Variants in RBFOX1 observed in about 807,000 individuals in gnomAD.
The protein encoded by RBFOX1 is RNA binding fox-1 homolog 1.
A neutral mutation model predicts 57.7 loss-of-function variants in RBFOX1; 8 were observed. The observed-to-expected ratio is 0.14, with a 90% CI of 0.08 to 0.25. The LOEUF is 0.25. Among genes scored for constraint, RBFOX1 ranks in the 10% least tolerant of loss-of-function variants. The pLI, the probability that RBFOX1 is intolerant of heterozygous loss-of-function variation, is 1.00. For synonymous variants in RBFOX1, 326 were observed against 222.4 expected (o/e 1.47, Z -4.15); for missense variants, 611 against 548.5 (o/e 1.11, Z -1.14).
chr16:6,308,517 G>A (rs944341991), intron 1 of RBFOX1, among the ~76,000 whole-genome samples: 1 of 152,192 alleles, frequency 6.6e-6, no homozygotes. Flanking sequence ...AGTTTGCTGA[G>A]TGACAGGGTT....
chr16:5,752,487 C>G (rs1164669710), intron 3 of RBFOX1, among the ~76,000 whole-genome samples: 1 of 152,200 alleles, frequency 6.6e-6, no homozygotes, highest in East Asian at 1.9e-4. Context: ...AAAGGGCTCC[C>G]CCTTGTTTTT....
intron 2 of RBFOX1, among the ~76,000 whole-genome samples, chr16:5,573,434 T>A (rs1445432945): frequency 1.3e-5 from 2 of 152,312 alleles, no homozygotes; most frequent in Middle Eastern, 3.4e-3. Flanking sequence ...GACCCCCACC[T>A]GAATATACTG....
At chr16:6,548,833 T>A (rs1443314466) in intron 2 of RBFOX1, among the ~76,000 whole-genome samples, 1 of 152,028 alleles carries the variant, frequency 6.6e-6, no homozygotes, top group East Asian at 2.0e-4. Context: ...CCTAGCACTT[T>A]GGGAGGCCAA....
chr16:7,131,973 G>T (rs2151981404), intron 4 of RBFOX1, among the ~76,000 whole-genome samples: 1 of 149,786 alleles, frequency 6.7e-6, no homozygotes, highest in East Asian at 2.0e-4. Flanking sequence ...AAAAAACATT[G>T]ATGACTAGAG....
At chr16:7,254,897 T>G (rs562737842) in intron 4 of RBFOX1, among the ~76,000 whole-genome samples, 1 of 152,294 alleles carries the variant, frequency 6.6e-6, no homozygotes, top group South Asian at 2.1e-4. Context: ...GGTCACTGCA[T>G]TTTGTACCAT....
intron 2 of RBFOX1, among the ~76,000 whole-genome samples, chr16:6,329,871 G>T (rs947157967): frequency 1.3e-5 from 2 of 152,214 alleles, no homozygotes; most frequent in Non-Finnish European, 2.9e-5. Flanking sequence ...CCAGGAGACA[G>T]AGGTTGCAGT....
chr16:6,802,757 G>T (rs1422360774), intron 3 of RBFOX1, among the ~76,000 whole-genome samples: 1 of 152,176 alleles, frequency 6.6e-6, no homozygotes, highest in Non-Finnish European at 1.5e-5. Flanking sequence ...CCCCCACGTT[G>T]TTGTAAGAAT....
chr16:5,306,352 C>T lies in RBFOX1; in HGVS notation c.219+66247C>T, dbSNP rs983493359. ...TTTTTTTTTTGAGACGGAGTTTCAC[C>T]CTTGTCACCCAGGCTGTAGTGTAGT... On this transcript the variant is annotated intron_variant, in intron 1 of 2. Coordinates refer to the RBFOX1 transcript ENST00000585867. 1.5e-4 allele frequency among the ~76,000 whole-genome samples: 23 copies of T among 151,424 alleles called. No individual in the cohort carries two copies. The East Asian group carries it at 4.5e-3, about 29-fold the overall frequency.
chr16:6,962,587 C>A (rs1302490081), intron 3 of RBFOX1, among the ~76,000 whole-genome samples: 1 of 152,110 alleles, frequency 6.6e-6, no homozygotes, highest in African/African-American at 2.4e-5. Flanking sequence ...AGGCTTGGAG[C>A]CAGGAGCTCA....
chr16:5,750,066 G>C (rs1336971420), intron 3 of RBFOX1, among the ~76,000 whole-genome samples: 1 of 152,142 alleles, frequency 6.6e-6, no homozygotes. Context: ...CTTTCTGTTT[G>C]TTAGTTTTCC....
At chr16:6,531,295 G>A (rs375135739) in intron 2 of RBFOX1, among the ~76,000 whole-genome samples, 2 of 152,158 alleles carry the variant, frequency 1.3e-5, no homozygotes, top group African/African-American at 4.8e-5. Flanking sequence ...ACCTCCCCTT[G>A]TTGCAGGAGC....
intron 3 of RBFOX1, among the ~76,000 whole-genome samples, chr16:5,692,296 T>C (rs2050712586): frequency 6.6e-6 from 1 of 151,880 alleles, no homozygotes; most frequent in African/African-American, 2.4e-5. Flanking sequence ...GAGAAAACAC[T>C]GTGGAAGAGG....
At chr16:6,533,711 C>T (rs957197392) in intron 2 of RBFOX1, among the ~76,000 whole-genome samples, 3 of 152,040 alleles carry the variant, frequency 2.0e-5, no homozygotes, top group Non-Finnish European at 4.4e-5. Flanking sequence ...TGTTTTCCAT[C>T]GTAGACACAA....
chr16:6,966,813 GTCTGTCTATCTA>G (rs1568129032), intron 3 of RBFOX1, among the ~76,000 whole-genome samples: 1 of 149,972 alleles, frequency 6.7e-6, no homozygotes, highest in East Asian at 2.0e-4. Flanking sequence ...CTGTCTGTCT[GTCTGTCTATCTA>G]TCTGTCTATC....
intron 2 of RBFOX1, among the ~76,000 whole-genome samples, chr16:5,474,382 G>A (rs565512917): frequency 4.6e-5 from 7 of 152,218 alleles, no homozygotes; most frequent in African/African-American, 1.7e-4. Flanking sequence ...GGCTAGGCGC[G>A]ATGGCTCACT....
chr16:7,512,455 C>T (rs1375893863), intron 4 of RBFOX1, among the ~76,000 whole-genome samples: 1 of 152,102 alleles, frequency 6.6e-6, no homozygotes, highest in Non-Finnish European at 1.5e-5. Flanking sequence ...CTGTAATTAG[C>T]CTAAAGTGCA....
At chr16:7,500,733 G>C (rs1179382588) in intron 4 of RBFOX1, among the ~76,000 whole-genome samples, 3 of 152,108 alleles carry the variant, frequency 2.0e-5, no homozygotes, top group Admixed American at 1.3e-4. Flanking sequence ...GGCTTAAAAC[G>C]ATTATGTTTA....
intron 3 of RBFOX1, among the ~76,000 whole-genome samples, chr16:5,828,056 C>G (rs12051251): frequency 1.6e-4 from 24 of 151,430 alleles, no homozygotes; most frequent in African/African-American, 5.8e-4. Flanking sequence ...CATCTACCCA[C>G]CCATCCATCC....
intron 4 of RBFOX1, among the ~76,000 whole-genome samples, chr16:7,367,415 C>G (rs1015150383): frequency 6.6e-6 from 1 of 152,202 alleles, no homozygotes; most frequent in African/African-American, 2.4e-5. Flanking sequence ...TCGATGGATT[C>G]CATGACAAGT....
Sources: gnomAD v4.1 joint callset for allele counts (sites outside exome capture counted in the v4.1 genomes callset) on GRCh38, gnomAD v4.1.1 for gene constraint, MANE v1.5 for transcripts, NCBI Gene and HGNC (gene_info 2026-07-23, HGNC 2026-07-21) for gene names.